Variants in ANKRD36 observed in about 807,000 individuals in gnomAD.
ANKRD36 encodes the protein ankyrin repeat domain-containing protein 36A.
A neutral mutation model predicts 278.1 loss-of-function variants in ANKRD36; 179 were observed. That is an observed-to-expected ratio of 0.64 (90% confidence interval 0.57 to 0.73). ANKRD36 has a LOEUF of 0.73. ANKRD36 is among the 30% of genes least tolerant of loss of function. The probability of loss-of-function intolerance (pLI) is 0.00; values close to 1 mark genes in which losing one functional copy is unlikely to be tolerated. For missense variants in ANKRD36, 1,159 were observed against 1,956.7 expected, an observed-to-expected ratio of 0.59 and a Z score of 7.69; for synonymous variants, 320 against 641.1, an observed-to-expected ratio of 0.50 and a Z score of 7.57.
intron 38 of ANKRD36, 109 bp downstream of exon 38, chr2:97,193,162 C>T (rs2058915867): frequency 1.8e-6 from 2 of 1,120,300 alleles, no homozygotes; most frequent in Non-Finnish European, 2.5e-6. Context: ...TCTGATTCAG[C>T]AGTCCTGAGA....
At chr2:97,166,273 A>G (rs1575188136) in intron 20 of ANKRD36, among the ~76,000 whole-genome samples, 1 of 151,540 alleles carries the variant, frequency 6.6e-6, no homozygotes, top group East Asian at 1.9e-4. Context: ...GAGAGTTGAT[A>G]CTCGATGAAA....
Position 97,194,921 on chromosome 2 carries a change from A to G in ANKRD36, c.2551+4A>G, listed in dbSNP as rs1558657032. 2.6e-6 allele frequency: 4 copies of G among 1,545,718 alleles called. No homozygotes were observed. The highest frequency in any genetic ancestry group is 2.0e-5 in the Admixed American group (1 of 51,120). On this transcript the variant is annotated splice_donor_region_variant and intron_variant, in intron 40 of 75. Transcript: ENST00000420699. ...GATGGAGAAATATCTAGGAAAGGTAATTTTGCGAAACACATTTAATGTCAT... is the reference window on the plus strand; with the variant it reads ...GATGGAGAAATATCTAGGAAAGGTAGTTTTGCGAAACACATTTAATGTCAT...
intron 3 of ANKRD36, among the ~76,000 whole-genome samples, chr2:97,120,787 G>T (rs1203543918): frequency 6.6e-6 from 1 of 152,072 alleles, no homozygotes; most frequent in Non-Finnish European, 1.5e-5. Flanking sequence ...AAAATACAAG[G>T]TATATAGTCC....
In ANKRD36 at chr2:97,233,769, A is replaced by G. The variant is rs202175719; in HGVS notation, c.3991A>G (p.Ile1331Val). ...ACATTCTAGGGATGACCTTGATGAC[A>G]TAATTCAGTCATCTCAAACAGTCTC... ...QIHSRDDLDD[I>V]IQSSQTVSED... The change falls in exon 68 of 76, where the codon ATA (isoleucine) becomes GTA (valine). Residue 1331 changes from isoleucine to valine, a missense_variant. Transcript: ENST00000420699. The G allele has an allele frequency of 3.1e-4, 465 of 1,509,762 alleles. No individual in the cohort carries two copies. The Middle Eastern group carries it at 9.1e-3, about 29-fold the overall frequency. The allele number at this position is 1,509,762 out of a possible 1,614,324, so 93.5% of individuals were successfully genotyped here.
At chr2:97,160,512 A>C (rs899969455) in intron 17 of ANKRD36, among the ~76,000 whole-genome samples, 2 of 152,044 alleles carry the variant, frequency 1.3e-5, no homozygotes, top group African/African-American at 4.8e-5. Flanking sequence ...GTTTCAAATA[A>C]ATTTCTTCTC....
chr2:97,173,577 G>A (rs563979420), intron 22 of ANKRD36, among the ~76,000 whole-genome samples: 2 of 151,958 alleles, frequency 1.3e-5, no homozygotes, highest in South Asian at 4.2e-4. Context: ...GTCACATACA[G>A]TGGTGGTGAA....
chr2:97,145,507 G>C (rs2044034859), intron 10 of ANKRD36, among the ~76,000 whole-genome samples: 1 of 152,050 alleles, frequency 6.6e-6, no homozygotes, highest in South Asian at 2.1e-4. Context: ...AATGAAAACA[G>C]TTTAGTGAAT....
intron 6 of ANKRD36, among the ~76,000 whole-genome samples, chr2:97,140,380 T>C (rs1363327385): frequency 5.9e-5 from 9 of 152,074 alleles, no homozygotes; most frequent in East Asian, 3.9e-4. Flanking sequence ...GTTTTATGTG[T>C]AGTTAAACAT....
At chr2:97,185,626 C>G in intron 30 of ANKRD36, 116 bp downstream of exon 30, 3 of 1,289,790 alleles carry the variant, frequency 2.3e-6, no homozygotes, top group East Asian at 5.0e-5. Flanking sequence ...TCAGCAGGCC[C>G]GAGATTCTTC....
Position 97,154,660 on chromosome 2 carries a change from C to A in ANKRD36, c.1194-15C>A. 3 of 1,478,540 alleles carry A rather than the reference C, an allele frequency of 2.0e-6. 1 individual carries two copies. The highest frequency in any genetic ancestry group is 1.2e-5 in the South Asian group (1 of 83,320). The allele number at this position is 1,478,540 out of a possible 1,614,324, so 91.6% of individuals were successfully genotyped here. A position where few individuals can be genotyped will look rare whatever the true frequency, so the allele number is the denominator to read the frequency against. On this transcript the variant is annotated splice_polypyrimidine_tract_variant and intron_variant, in intron 14 of 75. Coordinates refer to ENST00000420699, the MANE Select transcript of ANKRD36 (RefSeq NM_001354587.1). ...ATGAACGTGCTCATTTTTGTAATAT[C>A]TTTTTGCTCTGTAGGTGTCTCTACC...
intron 48 of ANKRD36, among the ~76,000 whole-genome samples, chr2:97,202,781 T>C (rs1015375936): frequency 2.0e-5 from 3 of 151,774 alleles, no homozygotes; most frequent in African/African-American, 7.3e-5. Context: ...CTTCTTGTAA[T>C]AACCCGTACA....
intron 6 of ANKRD36, among the ~76,000 whole-genome samples, chr2:97,134,926 A>T (rs2923975): frequency 3.3e-5 from 5 of 152,070 alleles, no homozygotes; most frequent in Non-Finnish European, 7.4e-5. Context: ...GAGCTAAAAA[A>T]GAAAGCTGAA....
intron 30 of ANKRD36, among the ~76,000 whole-genome samples, chr2:97,186,812 G>C (rs1165222859): frequency 6.6e-6 from 1 of 151,768 alleles, no homozygotes; most frequent in Non-Finnish European, 1.5e-5. Context: ...TAAATCATTT[G>C]GATATCTTGC....
intron 32 of ANKRD36, 61 bp downstream of exon 32, chr2:97,187,462 C>G: frequency 5.4e-6 from 3 of 551,114 alleles, no homozygotes; most frequent in Non-Finnish European, 9.2e-6. Context: ...ACTTCTCTAC[C>G]CCTAATAAAT....
chr2:97,206,513 CTTG>C (rs746630456), intron 52 of ANKRD36, among the ~76,000 whole-genome samples: 34 of 151,516 alleles, frequency 2.2e-4, no homozygotes, highest in South Asian at 1.0e-3. Context: ...AGACAGAAAA[CTTG>C]TTGTAATAAC....
chr2:97,179,526 G>A (rs533327818), intron 22 of ANKRD36, among the ~76,000 whole-genome samples: 2 of 151,612 alleles, frequency 1.3e-5, no homozygotes, highest in South Asian at 4.2e-4. Context: ...ATATGAAATT[G>A]TCAGTGTATA....
At chr2:97,187,523 C>A in intron 32 of ANKRD36, 122 bp downstream of exon 32, 1 of 1,366,152 alleles carries the variant, frequency 7.3e-7, no homozygotes, top group Non-Finnish European at 9.9e-7. Flanking sequence ...TCTGATCCAG[C>A]AGGTCTGAGA....
chr2:97,205,428 C>T (rs1233391915), intron 50 of ANKRD36, among the ~76,000 whole-genome samples: 1 of 151,524 alleles, frequency 6.6e-6, no homozygotes, highest in Non-Finnish European at 1.5e-5. Context: ...ATTTAGGACA[C>T]TTCCACTGAA....
chr2:97,217,516 A>G (rs1427214537), intron 64 of ANKRD36, 144 bp downstream of exon 64: 41 of 1,063,516 alleles, frequency 3.9e-5, no homozygotes, highest in Non-Finnish European at 5.4e-5. Flanking sequence ...CTGAGTTGTC[A>G]GGTGTTGTTG....
Sources: gnomAD v4.1 joint callset for allele counts (sites outside exome capture counted in the v4.1 genomes callset) on GRCh38, gnomAD v4.1.1 for gene constraint, MANE v1.5 for transcripts, NCBI Gene and HGNC (gene_info 2026-07-23, HGNC 2026-07-21) for gene names.